The following OR1B1 variants were observed in gnomAD, a reference collection of about 807,000 sequenced individuals.
OR1B1 encodes the protein olfactory receptor family 1 subfamily B member 1.
For missense variants in OR1B1, 414 were observed against 402.1 expected (o/e 1.03, Z -0.25); for synonymous variants, 168 against 156.2 (o/e 1.08, Z -0.57).
At chr9:122,628,574 G>A (rs760860408), downstream of OR1B1, 34 of 1,564,160 alleles carry the variant, frequency 2.2e-5, no homozygotes, top group Non-Finnish European at 2.9e-5. Context: ...CCCACAGCAG[G>A]CTAATCAGGG....
the OR1B1 span, among the ~76,000 whole-genome samples, chr9:122,643,472 C>T: frequency 4.1e-4 from 63 of 152,326 alleles, no homozygotes; most frequent in African/African-American, 1.5e-3. Context: ...CTGAGTTACT[C>T]AGCAAGCCTC....
At chr9:122,644,934 C>T in the OR1B1 span, among the ~76,000 whole-genome samples, 1 of 152,146 alleles carries the variant, frequency 6.6e-6, no homozygotes, top group Non-Finnish European at 1.5e-5. Flanking sequence ...GACCTCACCA[C>T]ATAAATAAGG....
the OR1B1 span, among the ~76,000 whole-genome samples, chr9:122,650,489 A>G: frequency 3.3e-5 from 5 of 151,940 alleles, no homozygotes; most frequent in African/African-American, 7.2e-5. Flanking sequence ...CAATATCAGT[A>G]AGACCAGACA....
chr9:122,631,738 T>A (rs1415221087), upstream of OR1B1, among the ~76,000 whole-genome samples: 1 of 151,978 alleles, frequency 6.6e-6, no homozygotes, highest in Non-Finnish European at 1.5e-5. Flanking sequence ...GACCACCACA[T>A]AAATTGAGGA....
At chr9:122,652,683 T>G in the OR1B1 span, among the ~76,000 whole-genome samples, 1 of 152,164 alleles carries the variant, frequency 6.6e-6, no homozygotes, top group Admixed American at 6.5e-5. Flanking sequence ...TTAACTCAGG[T>G]TCTATGTTTG....
the OR1B1 span, among the ~76,000 whole-genome samples, chr9:122,657,180 C>T: frequency 6.6e-6 from 1 of 152,044 alleles, no homozygotes; most frequent in Non-Finnish European, 1.5e-5. Context: ...AAATCAGAGA[C>T]TTTCTGGCCA....
the OR1B1 span, among the ~76,000 whole-genome samples, chr9:122,638,168 G>T: frequency 1.3e-5 from 2 of 152,092 alleles, no homozygotes; most frequent in Non-Finnish European, 2.9e-5. Context: ...CTAGAAATAT[G>T]CAGGAAAATA....
the OR1B1 span, among the ~76,000 whole-genome samples, chr9:122,637,694 T>G: frequency 6.6e-6 from 1 of 152,220 alleles, no homozygotes; most frequent in Admixed American, 6.5e-5. Context: ...TGCAAACATT[T>G]TCTTAAACTA....
exon 1 of OR1B1, chr9:122,628,675 A>G (rs1462335005): frequency 8.1e-6 from 13 of 1,613,874 alleles, no homozygotes; most frequent in Non-Finnish European, 1.1e-5. Flanking sequence ...CCAAAGGTGT[A>G]ATGGCAGTAT....
At chr9:122,629,616 T>C, upstream of OR1B1, 1 of 844,836 alleles carries the variant, frequency 1.2e-6, no homozygotes, top group Non-Finnish European at 1.9e-6. Context: ...ATAGCATTTC[T>C]AGTTAATTAT....
upstream of OR1B1, among the ~76,000 whole-genome samples, chr9:122,631,041 C>G (rs1830198673): frequency 6.6e-6 from 1 of 151,866 alleles, no homozygotes; most frequent in South Asian, 2.1e-4. Context: ...TCTTAATTCT[C>G]AAACATGGTA....
At chr9:122,650,419 AATATAT>A in the OR1B1 span, among the ~76,000 whole-genome samples, 2 of 151,078 alleles carry the variant, frequency 1.3e-5, no homozygotes, top group African/African-American at 4.8e-5. Context: ...AAATTAAAAA[AATATAT>A]ATATAATATA....
At chr9:122,655,036 T>C in the OR1B1 span, among the ~76,000 whole-genome samples, 1 of 152,208 alleles carries the variant, frequency 6.6e-6, no homozygotes, top group Non-Finnish European at 1.5e-5. Flanking sequence ...AAATATCACA[T>C]TGTACTCCAT....
chr9:122,636,290 G>A, the OR1B1 span, among the ~76,000 whole-genome samples: 1 of 152,222 alleles, frequency 6.6e-6, no homozygotes, highest in Non-Finnish European at 1.5e-5. Context: ...ATGAACCCAT[G>A]TAGATACACA....
the OR1B1 span, among the ~76,000 whole-genome samples, chr9:122,651,931 C>T: frequency 8.5e-5 from 13 of 152,198 alleles, no homozygotes; most frequent in African/African-American, 2.9e-4. Context: ...GGACTACAGC[C>T]TCCTGAGTAT....
At chr9:122,648,589 A>G in the OR1B1 span, among the ~76,000 whole-genome samples, 1 of 152,168 alleles carries the variant, frequency 6.6e-6, no homozygotes, top group Non-Finnish European at 1.5e-5. Flanking sequence ...AATCACAAAC[A>G]TTCCTATACG....
At chr9:122,645,969 TAAC>T in the OR1B1 span, among the ~76,000 whole-genome samples, 181 of 152,086 alleles carry the variant, frequency 1.2e-3, 1 homozygote, top group Middle Eastern at 3.4e-3. Context: ...TCAAAAATAA[TAAC>T]AACAACAACT....
the OR1B1 span, among the ~76,000 whole-genome samples, chr9:122,653,284 A>C: frequency 6.6e-6 from 1 of 152,326 alleles, no homozygotes; most frequent in African/African-American, 2.4e-5. Flanking sequence ...TCTTTGAGTT[A>C]GTACTATGAA....
the OR1B1 span, among the ~76,000 whole-genome samples, chr9:122,652,924 T>TG: frequency 1.3e-5 from 2 of 152,180 alleles, no homozygotes; most frequent in African/African-American, 4.8e-5. Flanking sequence ...CAAAGCCCCC[T>TG]GCTCCAAGCT....
Sources: allele counts gnomAD v4.1 joint callset (sites outside exome capture counted in the v4.1 genomes callset), GRCh38; gene constraint gnomAD v4.1.1; transcripts MANE v1.5; gene names NCBI Gene and HGNC (gene_info 2026-07-23, HGNC 2026-07-21).